Variants in INVS observed in about 807,000 individuals in gnomAD.
INVS encodes inversion of embryo turning homolog.
Under a neutral mutation model 108.8 loss-of-function variants are expected in INVS, and 86 were observed. The ratio of observed to expected loss-of-function variants is 0.79; its 90% CI spans 0.66 to 0.95. The LOEUF is 0.95. Among genes scored for constraint, INVS ranks in the 40% least tolerant of loss-of-function variants. INVS has a pLI of 0.00. For synonymous variants in INVS, 455 were observed against 473.5 expected (o/e 0.96, Z 0.51); for missense variants, 1,169 against 1,297.4 (o/e 0.90, Z 1.52).
intron 10 of INVS, among the ~76,000 whole-genome samples, chr9:100,259,725 T>G (rs1252378188): frequency 6.6e-6 from 1 of 151,924 alleles, no homozygotes; most frequent in Non-Finnish European, 1.5e-5. Flanking sequence ...AATTTTTGTA[T>G]TTTTAGTAGA....
In INVS at chr9:100,278,231, C is replaced by CAAAAAAAAAA. The variant is rs750217205; in HGVS notation, c.1784+5170_1784+5179dup. The stretch of plus-strand genomic sequence containing the variant: ...GAAGACAGAGAGAGAGACCCTGTCT[C>CAAAAAAAAAA]AAAAAAAAAAAAAAAAAAAAAAAAT... On this transcript the variant is annotated intron_variant, in intron 12 of 16. Coordinates refer to ENST00000262457, the MANE Select transcript of INVS (RefSeq NM_014425.5). Among the ~76,000 whole-genome samples, 71 of 83,102 alleles carry CAAAAAAAAAA rather than the reference C, an allele frequency of 8.5e-4. 1 individual carries two copies. The highest frequency in any genetic ancestry group is 3.3e-3 in the African/African-American group (69 of 20,744). The allele number at this position is 83,102 out of a possible 152,430, so 54.5% of individuals were successfully genotyped here. A position where few individuals can be genotyped will look rare whatever the true frequency, so the allele number is the denominator to read the frequency against.
At chr9:100,297,643 C>T (rs1248281289) in intron 15 of INVS, among the ~76,000 whole-genome samples, 1 of 152,220 alleles carries the variant, frequency 6.6e-6, no homozygotes, top group East Asian at 1.9e-4. Context: ...ATTTTCAGCT[C>T]TGCAAAGAGC....
chr9:100,268,730 A>G (rs1478285406), intron 11 of INVS, among the ~76,000 whole-genome samples: 3 of 151,992 alleles, frequency 2.0e-5, no homozygotes, highest in Non-Finnish European at 4.4e-5. Flanking sequence ...ATTTTTTTAC[A>G]TAAAAATATT....
chr9:100,300,619 A>G lies in INVS; in HGVS notation c.3143A>G (p.Asn1048Ser). The G allele has an allele frequency of 6.2e-7, 1 of 1,614,056 alleles. No individual in the cohort carries two copies. Among genetic ancestry groups the G allele is most frequent in the Non-Finnish European group, 8.5e-7 (1 of 1,179,944 alleles). The change falls in exon 17 of 17, where the codon AAC (asparagine) becomes AGC (serine). Residue 1048 changes from asparagine (N) to serine (S), a missense_variant. By Grantham distance (46) the Asn-to-Ser change is conservative. This residue lies in a region of INVS where 533 missense variants were observed against 536.0 expected (regional missense o/e 0.99). Coordinates refer to ENST00000262457, the MANE Select transcript of INVS (RefSeq NM_014425.5). ...HLLENSGRSK[N>S]FSYNLQSATQ... The stretch of plus-strand genomic sequence containing the variant: ...CTTGAGAACAGTGGAAGATCAAAGA[A>G]CTTTTCTTATAACCTGCAATCAGCT...
intron 2 of INVS, among the ~76,000 whole-genome samples, chr9:100,118,304 G>A (rs1434418225): frequency 2.6e-5 from 4 of 151,892 alleles, no homozygotes; most frequent in Admixed American, 1.3e-4. Flanking sequence ...CACCTCCCGG[G>A]TTCAAGCGAT....
chr9:100,102,257 C>T (rs1827019083), intron 1 of INVS, among the ~76,000 whole-genome samples: 1 of 152,054 alleles, frequency 6.6e-6, no homozygotes, highest in South Asian at 2.1e-4. Flanking sequence ...GCCACCACAG[C>T]CCAGCTAATT....
chr9:100,225,300 G>A (rs1258854190), intron 3 of INVS, among the ~76,000 whole-genome samples: 2 of 149,422 alleles, frequency 1.3e-5, no homozygotes, highest in Non-Finnish European at 3.0e-5. Context: ...CACCCGCCTC[G>A]GCCTCCCAAA....
chr9:100,201,865 C>G (rs184991920), intron 3 of INVS, among the ~76,000 whole-genome samples: 61 of 152,284 alleles, frequency 4.0e-4, no homozygotes, highest in African/African-American at 1.4e-3. Flanking sequence ...CACTATGGTT[C>G]TAGCTGCAAG....
intron 3 of INVS, among the ~76,000 whole-genome samples, chr9:100,209,851 C>T (rs957703972): frequency 1.3e-4 from 20 of 151,538 alleles, no homozygotes; most frequent in Non-Finnish European, 2.8e-4. Context: ...CTTGACCCTG[C>T]ACTTTTCGTC....
At chr9:100,118,092 G>T (rs1450907974) in intron 2 of INVS, among the ~76,000 whole-genome samples, 1 of 150,176 alleles carries the variant, frequency 6.7e-6, no homozygotes, top group Non-Finnish European at 1.5e-5. Flanking sequence ...TTTAGATATG[G>T]GGTCTTGCTA....
intron 3 of INVS, among the ~76,000 whole-genome samples, chr9:100,152,025 G>C (rs571641528): frequency 2.0e-5 from 3 of 152,098 alleles, no homozygotes; most frequent in African/African-American, 7.2e-5. Context: ...GGACCCAAAG[G>C]CAGCATCTTA....
intron 3 of INVS, among the ~76,000 whole-genome samples, chr9:100,205,993 A>G (rs1421521074): frequency 6.6e-6 from 1 of 152,132 alleles, no homozygotes; most frequent in Non-Finnish European, 1.5e-5. Flanking sequence ...ATCATGCTCA[A>G]CCAGCTATTT....
Position 100,140,082 on chromosome 9 carries a change from T to C in INVS, c.273+13533T>C, listed in dbSNP as rs1443049981. On this transcript the variant is annotated intron_variant, in intron 3 of 16. Transcript: ENST00000262457. Reference sequence around the variant, plus strand: ...TTATCCATTAAACAGTTTGTCTCCATTGCCCTCTCTCCCTAGCCCCTGGCA... The same window carrying C: ...TTATCCATTAAACAGTTTGTCTCCACTGCCCTCTCTCCCTAGCCCCTGGCA... Among the ~76,000 whole-genome samples the C allele has an allele frequency of 2.0e-5, 3 of 152,350 alleles. No homozygotes were observed. In the East Asian group the frequency reaches 5.8e-4, roughly 29 times the overall value.
chr9:100,275,924 C>T (rs1296461325), intron 12 of INVS, among the ~76,000 whole-genome samples: 2 of 152,166 alleles, frequency 1.3e-5, no homozygotes, highest in Admixed American at 6.5e-5. Context: ...CCAAAGCACA[C>T]GGTTGAGTGT....
chr9:100,246,707 G>C lies in INVS; in HGVS notation c.998G>C (p.Gly333Ala). The C allele has an allele frequency of 6.2e-7, 1 of 1,613,810 alleles. No individual in the cohort carries two copies. The highest frequency in any genetic ancestry group is 8.5e-7 in the Non-Finnish European group (1 of 1,179,702). Residue 333 changes from glycine (G) to alanine (A), a missense_variant, in exon 8 of 17, where the codon GGC (glycine) becomes GCC (alanine). By Grantham distance (60) the Gly-to-Ala change is moderately conservative (BLOSUM62 0). Coordinates refer to ENST00000262457, the MANE Select transcript of INVS (RefSeq NM_014425.5). ...TCCTTTATGTGGGCAGCTGGCAAAG[G>C]CAGTGATGATGTCCTTAGAACTATG... ...RTSFMWAAGK[G>A]SDDVLRTMLS... is the part of the protein sequence containing the mutation.
intron 3 of INVS, among the ~76,000 whole-genome samples, chr9:100,142,253 G>A (rs915927980): frequency 6.6e-6 from 1 of 152,166 alleles, no homozygotes. Flanking sequence ...GGCATATTTA[G>A]AGTCAGTATA....
chr9:100,270,907 G>A (rs926794102), intron 11 of INVS, among the ~76,000 whole-genome samples: 5 of 150,216 alleles, frequency 3.3e-5, no homozygotes, highest in African/African-American at 9.8e-5. Flanking sequence ...CTGGGCAACA[G>A]AGTGAGACCC....
intron 13 of INVS, among the ~76,000 whole-genome samples, chr9:100,284,886 C>T (rs1833391492): frequency 6.6e-6 from 1 of 152,052 alleles, no homozygotes; most frequent in Non-Finnish European, 1.5e-5. Context: ...CACTTCCATT[C>T]ACTTTGTCCA....
intron 2 of INVS, among the ~76,000 whole-genome samples, chr9:100,108,159 CTT>C (rs1722692572): frequency 6.6e-6 from 1 of 152,044 alleles, no homozygotes; most frequent in Admixed American, 6.5e-5. Context: ...ATTAAAAACA[CTT>C]ATATTTTTAT....
Sources: allele counts gnomAD v4.1 joint callset (sites outside exome capture counted in the v4.1 genomes callset), GRCh38; gene constraint gnomAD v4.1.1; regional missense constraint gnomAD v4.1.1; transcripts MANE v1.5; gene names NCBI Gene and HGNC (gene_info 2026-07-23, HGNC 2026-07-21).